The following RUNX2 variants were observed in gnomAD, a reference collection of about 807,000 sequenced individuals.
The protein encoded by RUNX2 is RUNX family transcription factor 2, also known as runt-related transcription factor 2.
RUNX2 carries 10 observed loss-of-function variants against 51.7 expected under a neutral mutation model. The ratio of observed to expected loss-of-function variants is 0.19; its 90% CI spans 0.12 to 0.33. The LOEUF is 0.33. RUNX2 is among the 10% of genes least tolerant of loss of function. The pLI is 1.00. For synonymous variants in RUNX2, 276 were observed against 273.6 expected, an observed-to-expected ratio of 1.01 and a Z score of -0.09; for missense variants, 562 against 691.3, an observed-to-expected ratio of 0.81 and a Z score of 2.10.
chr6:45,422,533 T>C (rs774156323), intron 2 of RUNX2, 60 bp from the exon 3 acceptor site: 7 of 887,384 alleles, frequency 7.9e-6, no homozygotes, highest in South Asian at 2.0e-5. Context: ...ATTTCCACCC[T>C]CCTCCCCCTC....
intron 2 of RUNX2, among the ~76,000 whole-genome samples, chr6:45,330,240 A>G (rs1787185217): frequency 6.6e-6 from 1 of 151,958 alleles, no homozygotes; most frequent in Admixed American, 6.6e-5. Flanking sequence ...GGTACCAAGT[A>G]TTACTCTAAA....
At chr6:45,431,010 A>G (rs968590052) in intron 3 of RUNX2, among the ~76,000 whole-genome samples, 2 of 152,200 alleles carry the variant, frequency 1.3e-5, no homozygotes, top group African/African-American at 4.8e-5. Context: ...TAGCTGACTC[A>G]GGTTAAAGTG....
chr6:45,355,397 TTATAG>T (rs1309519514), intron 2 of RUNX2, among the ~76,000 whole-genome samples: 1 of 151,122 alleles, frequency 6.6e-6, no homozygotes, highest in African/African-American at 2.4e-5. Context: ...ACTTCATTTA[TTATAG>T]AATAAAATGT....
At position 45,547,461 on chromosome 6, in the gene RUNX2, TC is replaced by T; in HGVS notation, c.*157del. On this transcript the variant is annotated 3_prime_UTR_variant, in exon 9 of 9. Coordinates refer to ENST00000647337, the MANE Select transcript of RUNX2 (RefSeq NM_001024630.4). Reference sequence around the variant, plus strand: ...TTTTCATTCACTCACTCAGTCATGATCTTGCAGCCATAAGAGGGTAGATATT... The same window carrying T: ...TTTTCATTCACTCACTCAGTCATGATTTGCAGCCATAAGAGGGTAGATATT... The T allele has an allele frequency of 1.5e-6, 1 of 682,896 alleles. No homozygotes were observed. The highest frequency in any genetic ancestry group is 2.6e-6 in the Non-Finnish European group (1 of 387,450). 42.3% of individuals were successfully genotyped at this position (682,896 alleles called of 1,614,324 possible).
intron 7 of RUNX2, among the ~76,000 whole-genome samples, chr6:45,512,941 G>A (rs1801204580): frequency 6.6e-6 from 1 of 152,128 alleles, no homozygotes; most frequent in Admixed American, 6.5e-5. Context: ...ACAATGCGTG[G>A]CCTCTGAGTG....
chr6:45,414,738 C>T (rs1225129289), intron 2 of RUNX2, among the ~76,000 whole-genome samples: 4 of 145,864 alleles, frequency 2.7e-5, no homozygotes, highest in African/African-American at 7.7e-5. Flanking sequence ...TATCTCTCCA[C>T]CTTCCCAGAT....
intron 7 of RUNX2, among the ~76,000 whole-genome samples, chr6:45,515,644 G>A (rs1029131881): frequency 6.6e-6 from 1 of 152,090 alleles, no homozygotes; most frequent in African/African-American, 2.4e-5. Context: ...ATACCCACAT[G>A]GCATTCATAA....
intron 5 of RUNX2, among the ~76,000 whole-genome samples, chr6:45,460,165 A>G (rs370548526): frequency 1.6e-4 from 25 of 152,280 alleles, no homozygotes; most frequent in African/African-American, 5.8e-4. Flanking sequence ...TTTTAGATAG[A>G]GAAGAGGGCC....
intron 5 of RUNX2, among the ~76,000 whole-genome samples, chr6:45,444,267 G>A (rs1475356059): frequency 6.6e-6 from 1 of 152,210 alleles, no homozygotes; most frequent in African/African-American, 2.4e-5. Flanking sequence ...TGTGTGTCGG[G>A]TCTCAGGTAG....
intron 4 of RUNX2, among the ~76,000 whole-genome samples, chr6:45,434,044 G>A (rs931223939): frequency 2.0e-5 from 3 of 152,144 alleles, no homozygotes; most frequent in African/African-American, 4.8e-5. Context: ...TAGATGGGGG[G>A]TAGGGGGAGT....
At chr6:45,497,299 G>A (rs566758626) in intron 6 of RUNX2, among the ~76,000 whole-genome samples, 1 of 152,156 alleles carries the variant, frequency 6.6e-6, no homozygotes, top group South Asian at 2.1e-4. Context: ...TGTAAATGCT[G>A]GAAGGAAGTG....
At chr6:45,455,116 A>G (rs972994300) in intron 5 of RUNX2, among the ~76,000 whole-genome samples, 2 of 152,186 alleles carry the variant, frequency 1.3e-5, no homozygotes, top group Admixed American at 6.5e-5. Flanking sequence ...TGGGAAGAAA[A>G]AAAAGAAAAG....
chr6:45,448,686 T>G (rs1354056406), intron 5 of RUNX2, among the ~76,000 whole-genome samples: 1 of 152,188 alleles, frequency 6.6e-6, no homozygotes, highest in Non-Finnish European at 1.5e-5. Context: ...CTCCACAACA[T>G]GCATTCTCAT....
At chr6:45,495,557 T>C (rs1014424177) in intron 6 of RUNX2, among the ~76,000 whole-genome samples, 1 of 152,242 alleles carries the variant, frequency 6.6e-6, no homozygotes, top group Admixed American at 6.5e-5. Flanking sequence ...TTTTAGTTCA[T>C]GTAATCCTTT....
chr6:45,451,703 A>G (rs1799175830), intron 5 of RUNX2, among the ~76,000 whole-genome samples: 1 of 152,228 alleles, frequency 6.6e-6, no homozygotes, highest in African/African-American at 2.4e-5. Flanking sequence ...GAATTAGGTT[A>G]GATTTAAAGA....
intron 2 of RUNX2, among the ~76,000 whole-genome samples, chr6:45,404,316 G>GAAAAAAAAAGGAAAAAAAAGAAAAAAGA (rs113901838): frequency 2.3e-5 from 3 of 130,500 alleles, no homozygotes; most frequent in Non-Finnish European, 4.9e-5. Flanking sequence ...AAAGAAAAAA[G>GAAAAAAAAAGGAAAAAAAAGAAAAAAGA]AAAAAAAAGT....
chr6:45,423,545 C>T (rs1030267248), intron 3 of RUNX2, among the ~76,000 whole-genome samples: 2 of 152,216 alleles, frequency 1.3e-5, no homozygotes, highest in African/African-American at 4.8e-5. Flanking sequence ...GTCCTGGTCC[C>T]TCCCGGGCTC....
chr6:45,364,006 T>C (rs1341762853), intron 2 of RUNX2, among the ~76,000 whole-genome samples: 1 of 151,900 alleles, frequency 6.6e-6, no homozygotes, highest in Non-Finnish European at 1.5e-5. Context: ...TCTCAGCTAC[T>C]TGGGAGGCTG....
At chr6:45,531,613 CG>C in intron 7 of RUNX2, among the ~76,000 whole-genome samples, 1 of 151,954 alleles carries the variant, frequency 6.6e-6, no homozygotes, top group East Asian at 1.9e-4. Flanking sequence ...ATTAGCCAGG[CG>C]TGGTGGTGCG....
Sources: gnomAD v4.1 joint callset for allele counts (sites outside exome capture counted in the v4.1 genomes callset) on GRCh38, gnomAD v4.1.1 for gene constraint, MANE v1.5 for transcripts, NCBI Gene and HGNC (gene_info 2026-07-23, HGNC 2026-07-21) for gene names.